The following KCNMB2 variants were observed in gnomAD, a reference collection of about 807,000 sequenced individuals.
KCNMB2 encodes the protein potassium calcium-activated channel subfamily M regulatory beta subunit 2.
Under a neutral mutation model 24.5 loss-of-function variants are expected in KCNMB2, and 9 were observed. That is an observed-to-expected ratio of 0.37 (90% CI 0.22 to 0.64). The LOEUF is 0.64. KCNMB2 is among the 30% of genes least tolerant of loss of function. The pLI, the probability that KCNMB2 is intolerant of heterozygous loss-of-function variation, is 0.63. For synonymous variants in KCNMB2, 109 were observed against 104.4 expected (o/e 1.04, Z -0.27); for missense variants, 226 against 284.3 (o/e 0.79, Z 1.47).
At position 178,819,126 on chromosome 3, in the gene KCNMB2, T is replaced by G. The variant is rs571766232; in HGVS notation, c.57-6462T>G. ...TACGGTTTTTAATTCCTGACATTTATTTGGCCCTTTTCTGTTTTTTTCTTC... is the reference window on the plus strand; with the variant it reads ...TACGGTTTTTAATTCCTGACATTTAGTTGGCCCTTTTCTGTTTTTTTCTTC... On this transcript the variant is annotated intron_variant, in intron 2 of 4. Transcript: ENST00000452583. 2.6e-5 allele frequency among the ~76,000 whole-genome samples: 4 copies of G among 152,342 alleles called. No individual in the cohort carries two copies. The East Asian group carries it at 7.7e-4, about 29-fold the overall frequency.
chr3:178,758,416 ATC>A (rs1433806794), intron 1 of KCNMB2, among the ~76,000 whole-genome samples: 19 of 23,198 alleles, frequency 8.2e-4, no homozygotes, highest in East Asian at 1.6e-3. Flanking sequence ...ATATATATAT[ATC>A]CAAGAGGGGA....
At position 178,828,952 on chromosome 3, in the gene KCNMB2, T is replaced by A. The variant is rs992131595; in HGVS notation, c.423+579T>A. On this transcript the variant is annotated intron_variant, in intron 4 of 4. Transcript: ENST00000452583. ...GTGTGTGTGTGTGTGTGTGTGTGTG[T>A]GTGTGTGTGTGTGTGTGTGTGTTCT... Among the ~76,000 whole-genome samples the A allele has an allele frequency of 7.4e-4, 110 of 147,876 alleles. 1 individual carries two copies. Among genetic ancestry groups the A allele is most frequent in the Non-Finnish European group, 1.2e-3 (83 of 67,702 alleles).
chr3:178,724,815 G>A (rs1310706783), intron 1 of KCNMB2, among the ~76,000 whole-genome samples: 1 of 151,964 alleles, frequency 6.6e-6, no homozygotes. Flanking sequence ...TTTGTTGTGG[G>A]TGTGCAGGTT....
At position 178,841,229 on chromosome 3, in the gene KCNMB2, C is replaced by T. The variant is rs114661454; in HGVS notation, c.424-1424C>T. Reference sequence around the variant, plus strand: ...TTGCTCCAGTTCCCAGTAAGTTACTCATCTCCATCTGAAACTACCTCATTC... The same window carrying T: ...TTGCTCCAGTTCCCAGTAAGTTACTTATCTCCATCTGAAACTACCTCATTC... On this transcript the variant is annotated intron_variant, in intron 4 of 4. Transcript: ENST00000452583. Among the ~76,000 whole-genome samples, 742 of 152,334 alleles carry T rather than the reference C, an allele frequency of 4.9e-3. 10 individuals are homozygous for T. Among genetic ancestry groups the T allele is most frequent in the African/African-American group, 0.017 (709 of 41,570 alleles).
At position 178,689,714 on chromosome 3, in the gene KCNMB2, C is replaced by T. The variant is rs950885041; in HGVS notation, c.-67-117629C>T. Reference sequence around the variant, plus strand: ...CAAATACTCTGGAAAATACCTCTTTCTCCCTTCCTTTCTCTAGAAAAGAAA... The same window carrying T: ...CAAATACTCTGGAAAATACCTCTTTTTCCCTTCCTTTCTCTAGAAAAGAAA... On this transcript the variant is annotated intron_variant, in intron 1 of 4. Coordinates refer to ENST00000452583, the MANE Select transcript of KCNMB2 (RefSeq NM_181361.3). 2.0e-5 allele frequency among the ~76,000 whole-genome samples: 3 copies of T among 152,174 alleles called. No homozygotes were observed. In the South Asian group the frequency reaches 6.2e-4, roughly 31 times the overall value.
intron 1 of KCNMB2, among the ~76,000 whole-genome samples, chr3:178,566,939 G>A (rs1038887544): frequency 6.6e-6 from 1 of 152,168 alleles, no homozygotes; most frequent in African/African-American, 2.4e-5. Flanking sequence ...TTCATTTAAA[G>A]ATAAATGTCC....
chr3:178,549,095 A>G (rs1304224655), intron 1 of KCNMB2, among the ~76,000 whole-genome samples: 3 of 152,196 alleles, frequency 2.0e-5, no homozygotes, highest in African/African-American at 7.2e-5. Flanking sequence ...TCTATATTTT[A>G]GTACGCTTTT....
At chr3:178,785,770 T>C (rs938035864) in intron 1 of KCNMB2, among the ~76,000 whole-genome samples, 29 of 152,120 alleles carry the variant, frequency 1.9e-4, no homozygotes, top group South Asian at 4.1e-4. Context: ...CATATAAAGT[T>C]AAAACATTGG....
intron 1 of KCNMB2, among the ~76,000 whole-genome samples, chr3:178,624,834 G>A (rs1719053439): frequency 6.6e-6 from 1 of 151,992 alleles, no homozygotes; most frequent in Non-Finnish European, 1.5e-5. Flanking sequence ...TGAGTGGGCA[G>A]CCAGGGAAGG....
At chr3:178,600,743 A>C (rs1718052367) in intron 1 of KCNMB2, among the ~76,000 whole-genome samples, 1 of 152,152 alleles carries the variant, frequency 6.6e-6, no homozygotes, top group African/African-American at 2.4e-5. Context: ...GCTAGTGTGA[A>C]TAGTGCTGCA....
At chr3:178,632,414 G>A (rs942712857) in intron 1 of KCNMB2, among the ~76,000 whole-genome samples, 3 of 152,248 alleles carry the variant, frequency 2.0e-5, no homozygotes, top group Middle Eastern at 3.4e-3. Context: ...CATGACTGGC[G>A]AGGACTCAAG....
intron 1 of KCNMB2, chr3:178,795,167 A>G (rs1447198690): frequency 3.3e-5 from 5 of 152,090 alleles, no homozygotes; most frequent in African/African-American, 1.2e-4. Context: ...ATGTACTGAA[A>G]AAGTCTACGC....
At chr3:178,560,099 T>TTA (rs946394177) in intron 1 of KCNMB2, among the ~76,000 whole-genome samples, 3 of 148,530 alleles carry the variant, frequency 2.0e-5, no homozygotes, top group Admixed American at 6.7e-5. Flanking sequence ...AAATTACTTT[T>TTA]TATATATATA....
At chr3:178,719,897 C>T (rs934111973) in intron 1 of KCNMB2, among the ~76,000 whole-genome samples, 8 of 152,092 alleles carry the variant, frequency 5.3e-5, no homozygotes, top group Non-Finnish European at 1.2e-4. Flanking sequence ...CAGTACCTAG[C>T]CCCCGGCAAC....
intron 1 of KCNMB2, among the ~76,000 whole-genome samples, chr3:178,663,298 A>C (rs1394843557): frequency 6.6e-6 from 1 of 152,168 alleles, no homozygotes; most frequent in African/African-American, 2.4e-5. Flanking sequence ...TACAATAGGC[A>C]TGATTCTTTG....
intron 1 of KCNMB2, among the ~76,000 whole-genome samples, chr3:178,703,838 T>A (rs1331320059): frequency 6.6e-6 from 1 of 152,182 alleles, no homozygotes; most frequent in Non-Finnish European, 1.5e-5. Flanking sequence ...CAAAAGGAAT[T>A]CATCTGTGAG....
intron 1 of KCNMB2, among the ~76,000 whole-genome samples, chr3:178,778,071 A>G (rs1453925762): frequency 6.6e-6 from 1 of 151,962 alleles, no homozygotes; most frequent in African/African-American, 2.4e-5. Flanking sequence ...CACAATGACT[A>G]TTTTTTTACC....
At chr3:178,538,726 G>A (rs1001011587) in intron 1 of KCNMB2, among the ~76,000 whole-genome samples, 7 of 152,106 alleles carry the variant, frequency 4.6e-5, no homozygotes, top group Admixed American at 1.3e-4. Context: ...TGATATATGT[G>A]TCTGAACTGT....
rs537671129 is a variant in KCNMB2 at position 178,649,337 on chromosome 3, A to G, written c.-68+112626A>G. The stretch of plus-strand genomic sequence containing the variant: ...CTTCTATTCTTTTCATATTTTTACT[A>G]TTCTTGTTTAGAAGTTATTTCAATT... On this transcript the variant is annotated intron_variant, in intron 1 of 4. Coordinates refer to ENST00000452583, the MANE Select transcript of KCNMB2 (RefSeq NM_181361.3). Among the ~76,000 whole-genome samples, 15 of 152,254 alleles carry G rather than the reference A, an allele frequency of 9.9e-5. No individual in the cohort carries two copies. In the South Asian group the frequency reaches 2.9e-3, roughly 29 times the overall value.
Sources: gnomAD v4.1 joint callset for allele counts (sites outside exome capture counted in the v4.1 genomes callset) on GRCh38, gnomAD v4.1.1 for gene constraint, MANE v1.5 for transcripts, NCBI Gene and HGNC (gene_info 2026-07-23, HGNC 2026-07-21) for gene names.